VMAC: variants seen among roughly 807,000 people sequenced by gnomAD.
The protein encoded by VMAC is vimentin type intermediate filament associated coiled-coil protein, also known as vimentin-type intermediate filament-associated coiled-coil protein.
Under a neutral mutation model 4.8 loss-of-function variants are expected in VMAC, and 8 were observed. The ratio of observed to expected loss-of-function variants is 1.68; its 90% CI spans 0.99 to 3.03. The LOEUF (loss-of-function observed/expected upper bound fraction) is 3.03, where lower values mean the gene tolerates loss of function less well. Ranked by LOEUF, VMAC falls within the 30% of genes most tolerant of loss-of-function variation. The pLI is 0.00. For synonymous variants in VMAC, 96 were observed against 113.7 expected (o/e 0.84, Z 0.99); for missense variants, 248 against 245.1 (o/e 1.01, Z -0.08).
chr19:5,909,477 G>GTT lies in VMAC; in HGVS notation c.*340_*341dup. On this transcript the variant is annotated 3_prime_UTR_variant, in exon 2 of 2. Transcript: ENST00000339485. Reference sequence around the variant, plus strand: ...CTCTTTAGCCAGGGTGTGAGTTTCTGTTTTTTGTTTTTTTTTTTTTAAGAC... The same window carrying GTT: ...CTCTTTAGCCAGGGTGTGAGTTTCTGTTTTTTTTGTTTTTTTTTTTTTAAGAC... 5.5e-6 allele frequency: 1 copy of GTT among 181,420 alleles called. No individual in the cohort carries two copies. Among genetic ancestry groups the GTT allele is most frequent in the East Asian group, 1.4e-4 (1 of 7,230 alleles). The allele number at this position is 181,420 out of a possible 1,614,324, so 11.2% of individuals were successfully genotyped here.
At position 5,909,387 on chromosome 19, in the gene VMAC, A is replaced by T. The variant is rs1403770202; in HGVS notation, c.*245A>T. 5 of 477,242 alleles carry T rather than the reference A, an allele frequency of 1.0e-5. No homozygotes were observed. The highest frequency in any genetic ancestry group is 1.8e-5 in the Non-Finnish European group (5 of 274,948). The allele number at this position is 477,242 out of a possible 1,614,324, so 29.6% of individuals were successfully genotyped here. A position where few individuals can be genotyped will look rare whatever the true frequency, so the allele number is the denominator to read the frequency against. ...AGTCACCCTTGCTAAAAACCTGGCAATGCAAACACAAAGATCTGGATTTCT... is the reference window on the plus strand; with the variant it reads ...AGTCACCCTTGCTAAAAACCTGGCATTGCAAACACAAAGATCTGGATTTCT... On this transcript the variant is annotated 3_prime_UTR_variant, in exon 2 of 2. Coordinates refer to ENST00000339485, the MANE Select transcript of VMAC (RefSeq NM_001017921.4).
In VMAC at chr19:5,904,874, G is replaced by C. The variant is rs774363269; in HGVS notation, c.-17G>C. ...GCCGCCTGGGGGCGTGGCCGGGCCT[G>C]TACAGCAGCCTGGGCCATGTCGGCG... On this transcript the variant is annotated 5_prime_UTR_variant, in exon 1 of 2. Transcript: ENST00000339485. The C allele has an allele frequency of 2.1e-6, 3 of 1,455,312 alleles. No homozygotes were observed. Among genetic ancestry groups the C allele is most frequent in the South Asian group, 1.4e-5 (1 of 73,572 alleles). The allele number at this position is 1,455,312 out of a possible 1,614,324, so 90.1% of individuals were successfully genotyped here.
intron 1 of VMAC, among the ~76,000 whole-genome samples, chr19:5,907,863 T>C (rs925153646): frequency 6.6e-6 from 1 of 152,024 alleles, no homozygotes; most frequent in African/African-American, 2.4e-5. Flanking sequence ...TGCTGCCCTA[T>C]AAAGAGGTTC....
chr19:5,907,952 C>T (rs2057684806), intron 1 of VMAC, among the ~76,000 whole-genome samples: 1 of 152,156 alleles, frequency 6.6e-6, no homozygotes, highest in African/African-American at 2.4e-5. Flanking sequence ...CTTTATAAAT[C>T]ACCCAGTATC....
chr19:5,905,078 A>G lies in VMAC; in HGVS notation c.188A>G (p.Asp63Gly), dbSNP rs2057673417. The change falls in exon 1 of 2, where the codon GAC becomes GGC. Residue 63 changes from aspartate (D) to glycine (G), a missense_variant. Transcript: ENST00000339485. ...CTAGACGAACTGGGTCGCGCCAAGGACCGGTGAGGCCCGGGGCCGGCCAGG... is the reference window on the plus strand; with the variant it reads ...CTAGACGAACTGGGTCGCGCCAAGGGCCGGTGAGGCCCGGGGCCGGCCAGG... ...AALDELGRAK[D>G]REIATLQEQL... The G allele has an allele frequency of 2.2e-6, 3 of 1,354,332 alleles. No homozygotes were observed. In the East Asian group the frequency reaches 9.2e-5, roughly 42 times the overall value. The allele number at this position is 1,354,332 out of a possible 1,614,324, so 83.9% of individuals were successfully genotyped here.
At chr19:5,906,551 T>A (rs371116572) in intron 1 of VMAC, among the ~76,000 whole-genome samples, 9 of 152,312 alleles carry the variant, frequency 5.9e-5, no homozygotes, top group South Asian at 2.1e-4. Context: ...GACAGACATG[T>A]CACTGGGCAG....
At position 5,908,960 on chromosome 19, in the gene VMAC, C is replaced by A. The variant is rs370609970; in HGVS notation, c.328C>A (p.Arg110Ser). ...RAELLQDICR[R>S]RPPLAGLLDA... is the part of the protein sequence containing the mutation. The stretch of plus-strand genomic sequence containing the variant: ...TGAGCTGCTGCAGGACATCTGCCGC[C>A]GCCGGCCACCCCTGGCTGGGCTGCT... The change falls in exon 2 of 2, where the codon CGC becomes AGC. Residue 110 changes from arginine to serine, a missense_variant. Arg to Ser is a moderately radical substitution (Grantham distance 110). Transcript: ENST00000339485. This position sits in a 1 kb window ranked among gnomAD's most constrained non-coding sequence, Gnocchi z 4.5. 1 of 1,612,874 alleles carries A rather than the reference C, an allele frequency of 6.2e-7. No homozygotes were observed.
At chr19:5,907,106 G>A (rs180894362) in intron 1 of VMAC, among the ~76,000 whole-genome samples, 5 of 152,316 alleles carry the variant, frequency 3.3e-5, no homozygotes, top group African/African-American at 4.8e-5. Context: ...GAGGCTGGAC[G>A]TCCGAGAGCA....
intron 1 of VMAC, 83 bp downstream of exon 1, chr19:5,905,164 G>C: frequency 3.8e-6 from 5 of 1,300,894 alleles, no homozygotes; most frequent in Non-Finnish European, 4.9e-6. Context: ...GGAAGGGCAG[G>C]GGGAACCGTG....
At position 5,910,261 on chromosome 19, in the gene VMAC, C is replaced by T. The variant is rs891896834; in HGVS notation, c.*1119C>T. 1.3e-5 allele frequency: 2 copies of T among 152,252 alleles called. No individual in the cohort carries two copies. Among genetic ancestry groups the T allele is most frequent in the African/African-American group, 4.8e-5 (2 of 41,450 alleles). The allele number at this position is 152,252 out of a possible 1,614,324, so 9.4% of individuals were successfully genotyped here. ...TCCTGGCCTGGGGGCAAGAGGGAGG[C>T]CCTCTGTGTTATTTGTGCCTCCTGG... On this transcript the variant is annotated 3_prime_UTR_variant, in exon 2 of 2. Coordinates refer to ENST00000339485, the MANE Select transcript of VMAC (RefSeq NM_001017921.4).
In VMAC at chr19:5,910,708, C is replaced by CAAT. The variant is rs2057694882; in HGVS notation, c.*1568_*1569insTAA. 1 of 134,830 alleles carries CAAT rather than the reference C, an allele frequency of 7.4e-6. No homozygotes were observed. Among genetic ancestry groups the CAAT allele is most frequent in the African/African-American group, 2.9e-5 (1 of 34,372 alleles). 8.4% of individuals were successfully genotyped at this position (134,830 alleles called of 1,614,324 possible). A position where few individuals can be genotyped will look rare whatever the true frequency, so the allele number is the denominator to read the frequency against. On this transcript the variant is annotated 3_prime_UTR_variant, in exon 2 of 2. Coordinates refer to ENST00000339485, the MANE Select transcript of VMAC (RefSeq NM_001017921.4). ...ACAACAACAACAACAACAACAACAACAACAAACAGAGGCCCAGAGGTGTGA... is the reference window on the plus strand; with the variant it reads ...ACAACAACAACAACAACAACAACAACAATAACAAACAGAGGCCCAGAGGTGTGA...
intron 1 of VMAC, among the ~76,000 whole-genome samples, chr19:5,905,997 ATTTTTGAGAG>A (rs2057677773): frequency 6.6e-6 from 1 of 151,626 alleles, no homozygotes; most frequent in African/African-American, 2.4e-5. Flanking sequence ...CCTATCTATT[ATTTTTGAGAG>A]AGGGTCTTGC....
intron 1 of VMAC, among the ~76,000 whole-genome samples, chr19:5,905,444 A>G (rs1484956765): frequency 6.6e-6 from 1 of 152,090 alleles, no homozygotes; most frequent in Non-Finnish European, 1.5e-5. Flanking sequence ...TTTGAGACGG[A>G]GTTTCGCTCT....
Position 5,908,751 on chromosome 19 carries a change from C to G in VMAC, c.192-73C>G, listed in dbSNP as rs111563375. 5.2e-6 allele frequency: 8 copies of G among 1,526,876 alleles called. No individual in the cohort carries two copies. The highest frequency in any genetic ancestry group is 7.2e-6 in the Non-Finnish European group (8 of 1,118,398). 94.6% of individuals were successfully genotyped at this position (1,526,876 alleles called of 1,614,324 possible). On this transcript the variant is annotated intron_variant, in intron 1 of 1. Coordinates refer to ENST00000339485, the MANE Select transcript of VMAC (RefSeq NM_001017921.4). The surrounding 1 kb of genome is among the most constrained non-coding windows in gnomAD (Gnocchi z 4.5). ...CCCAAAGGTGATGGGGAACCTCTTGCGGGTCCAGAGCAGGGAGGAGCAGGT... is the reference window on the plus strand; with the variant it reads ...CCCAAAGGTGATGGGGAACCTCTTGGGGGTCCAGAGCAGGGAGGAGCAGGT...
At chr19:5,906,434 C>T (rs2057679265) in intron 1 of VMAC, among the ~76,000 whole-genome samples, 2 of 152,214 alleles carry the variant, frequency 1.3e-5, no homozygotes, top group South Asian at 4.1e-4. Flanking sequence ...GGCACTCATT[C>T]ATTCGTCTTC....
At position 5,904,911 on chromosome 19, in the gene VMAC, G is replaced by A; in HGVS notation, c.21G>A (p.Leu7=). 6.7e-7 allele frequency: 1 copy of A among 1,488,196 alleles called. No individual in the cohort carries two copies. The highest frequency in any genetic ancestry group is 8.9e-7 in the Non-Finnish European group (1 of 1,129,478). 92.2% of individuals were successfully genotyped at this position (1,488,196 alleles called of 1,614,324 possible). The change falls in exon 1 of 2, where the codon CTG becomes CTA. Residue 7 remains leucine (L), a synonymous_variant. Coordinates refer to ENST00000339485, the MANE Select transcript of VMAC (RefSeq NM_001017921.4). ...GGGCCATGTCGGCGCCGCCGGCCCT[G>A]CAGATCCGGGAGGCAAACGCACACC... MSAPPA[L]QIREANAHLA... is the part of the protein sequence containing the mutation.
At chr19:5,906,394 T>A (rs548760970) in intron 1 of VMAC, among the ~76,000 whole-genome samples, 68 of 152,332 alleles carry the variant, frequency 4.5e-4, no homozygotes, top group South Asian at 2.9e-3. Context: ...TTGGACATAT[T>A]CATTTTTACC....
At position 5,909,369 on chromosome 19, in the gene VMAC, C is replaced by T; in HGVS notation, c.*227C>T. ...GTTTTTAAGCTTTGAATCAGTCACC[C>T]TTGCTAAAAACCTGGCAATGCAAAC... is the stretch of plus-strand genomic sequence containing the variant. On this transcript the variant is annotated 3_prime_UTR_variant, in exon 2 of 2. Transcript: ENST00000339485. 1 of 506,596 alleles carries T rather than the reference C, an allele frequency of 2.0e-6. No homozygotes were observed. Among genetic ancestry groups the T allele is most frequent in the Non-Finnish European group, 3.4e-6 (1 of 295,408 alleles). The allele number at this position is 506,596 out of a possible 1,614,324, so 31.4% of individuals were successfully genotyped here.
rs903345423 is a variant in VMAC, at chr19:5,908,638, A to T, written c.192-186A>T. ...CTCAAAAAAAAATAATAATAAAATA[A>T]AATATAATAATAATAATAAAAACAA... On this transcript the variant is annotated intron_variant, in intron 1 of 1. Coordinates refer to ENST00000339485, the MANE Select transcript of VMAC (RefSeq NM_001017921.4). This position sits in a 1 kb window ranked among gnomAD's most constrained non-coding sequence, Gnocchi z 4.5. Among the ~76,000 whole-genome samples the T allele has an allele frequency of 3.2e-5, 3 of 92,648 alleles. No individual in the cohort carries two copies. The highest frequency in any genetic ancestry group is 7.5e-5 in the African/African-American group (2 of 26,690). The allele number at this position is 92,648 out of a possible 152,430, so 60.8% of individuals were successfully genotyped here. A position where few individuals can be genotyped will look rare whatever the true frequency, so the allele number is the denominator to read the frequency against.
Sources: allele counts gnomAD v4.1 joint callset (sites outside exome capture counted in the v4.1 genomes callset), GRCh38; gene constraint gnomAD v4.1.1; non-coding constraint Gnocchi (gnomAD v3.1); transcripts MANE v1.5; gene names NCBI Gene and HGNC (gene_info 2026-07-23, HGNC 2026-07-21).